MBOAT2: variants seen among roughly 807,000 people sequenced by gnomAD.
MBOAT2 encodes membrane bound glycerophospholipid O-acyltransferase 2, also known as membrane-bound glycerophospholipid O-acyltransferase 2.
A neutral mutation model predicts 63.4 loss-of-function variants in MBOAT2; 28 were observed. The observed-to-expected ratio is 0.44, with a 90% CI of 0.33 to 0.61. The LOEUF is 0.61. Among genes scored for constraint, MBOAT2 ranks in the 20% least tolerant of loss-of-function variants. The pLI is 0.03. For synonymous variants in MBOAT2, 211 were observed against 215.6 expected (o/e 0.98, Z 0.19); for missense variants, 470 against 605.8 (o/e 0.78, Z 2.35).
intron 1 of MBOAT2, among the ~76,000 whole-genome samples, chr2:8,960,334 C>T (rs1426834774): frequency 6.6e-6 from 1 of 152,158 alleles, no homozygotes; most frequent in African/African-American, 2.4e-5. Context: ...TATGGGCAAA[C>T]ATGGGAAATC....
At chr2:8,878,828 G>A (rs1486619200) in intron 6 of MBOAT2, among the ~76,000 whole-genome samples, 3 of 152,126 alleles carry the variant, frequency 2.0e-5, no homozygotes, top group South Asian at 2.1e-4. Flanking sequence ...TGTAATCCCA[G>A]CACTTTGGGA....
intron 3 of MBOAT2, among the ~76,000 whole-genome samples, chr2:8,936,205 C>A (rs1379495780): frequency 2.0e-5 from 3 of 152,116 alleles, no homozygotes; most frequent in African/African-American, 4.8e-5. Flanking sequence ...ATCACTAGAT[C>A]CCAGCATCAG....
At chr2:8,996,539 G>A (rs1672321719) in intron 1 of MBOAT2, among the ~76,000 whole-genome samples, 1 of 152,178 alleles carries the variant, frequency 6.6e-6, no homozygotes, top group Non-Finnish European at 1.5e-5. Flanking sequence ...GCGAGAGGCA[G>A]GGGCATGCTC....
In MBOAT2 at chr2:8,936,735, C is replaced by G. The variant is rs147250778; in HGVS notation, c.299+6452G>C. Among the ~76,000 whole-genome samples, 1,006 of 146,230 alleles carry G rather than the reference C, an allele frequency of 6.9e-3. 13 individuals are homozygous for G. Among genetic ancestry groups the G allele is most frequent in the African/African-American group, 0.024 (946 of 39,404 alleles). ...CCCGGGAGACAGAGGTTGCAGTGAG[C>G]CGAGATTGTGCCACCGCACTCAGCC... is the stretch of plus-strand genomic sequence containing the variant. On this transcript the variant is annotated intron_variant, in intron 3 of 12. Transcript: ENST00000305997.
intron 1 of MBOAT2, among the ~76,000 whole-genome samples, chr2:8,977,481 A>G: frequency 6.6e-6 from 1 of 152,130 alleles, no homozygotes; most frequent in Non-Finnish European, 1.5e-5. Flanking sequence ...GTTTCTTACA[A>G]AGGCTCTTAG....
chr2:8,884,559 T>G (rs1663406441), intron 5 of MBOAT2, among the ~76,000 whole-genome samples: 1 of 152,178 alleles, frequency 6.6e-6, no homozygotes, highest in Non-Finnish European at 1.5e-5. Flanking sequence ...TATCCTTTTT[T>G]CCCTCATGCT....
intron 2 of MBOAT2, among the ~76,000 whole-genome samples, chr2:8,956,831 C>T (rs1346082496): frequency 2.0e-5 from 3 of 152,194 alleles, no homozygotes; most frequent in Non-Finnish European, 4.4e-5. Flanking sequence ...AGCAAGAGAA[C>T]ACTTCCTCAG....
chr2:8,976,669 A>G (rs1047275365), intron 1 of MBOAT2, among the ~76,000 whole-genome samples: 1 of 152,154 alleles, frequency 6.6e-6, no homozygotes, highest in Non-Finnish European at 1.5e-5. Flanking sequence ...ACCCTTCCAT[A>G]AAGCGCGTTC....
chr2:8,872,572 A>G (rs771218468), intron 8 of MBOAT2, among the ~76,000 whole-genome samples: 4 of 152,194 alleles, frequency 2.6e-5, no homozygotes, highest in Non-Finnish European at 5.9e-5. Context: ...GTGAGCCACC[A>G]TAACTGGCCC....
intron 10 of MBOAT2, 39 bp downstream of exon 10, chr2:8,864,131 G>A (rs777648256): frequency 7.7e-6 from 11 of 1,422,492 alleles, no homozygotes; most frequent in African/African-American, 5.9e-5. Flanking sequence ...AGAACTAGAC[G>A]CCAAAGCACA....
chr2:8,947,299 T>A (rs1220146856), intron 2 of MBOAT2, among the ~76,000 whole-genome samples: 1 of 152,188 alleles, frequency 6.6e-6, no homozygotes, highest in Non-Finnish European at 1.5e-5. Flanking sequence ...TGGCTCATGA[T>A]GTTTAAGGAA....
At chr2:8,901,688 G>A (rs1664938743) in intron 4 of MBOAT2, among the ~76,000 whole-genome samples, 1 of 152,150 alleles carries the variant, frequency 6.6e-6, no homozygotes, top group East Asian at 1.9e-4. Context: ...TGTCTGAGGA[G>A]GGATTCTAAA....
intron 2 of MBOAT2, among the ~76,000 whole-genome samples, chr2:8,956,314 G>A (rs1669219495): frequency 6.6e-6 from 1 of 152,056 alleles, no homozygotes; most frequent in Non-Finnish European, 1.5e-5. Context: ...CTTACACATG[G>A]TACAGAGGCA....
Position 8,944,972 on chromosome 2 carries a change from G to A in MBOAT2, c.222-1708C>T, listed in dbSNP as rs181311285. Among the ~76,000 whole-genome samples the A allele has an allele frequency of 3.8e-3, 573 of 152,194 alleles. 2 individuals carry two copies. The highest frequency in any genetic ancestry group is 3.7e-3 in the Admixed American group (56 of 15,296). On this transcript the variant is annotated intron_variant, in intron 2 of 12. Coordinates refer to ENST00000305997, the MANE Select transcript of MBOAT2 (RefSeq NM_138799.4). ...TCTTAAACACGGAAAACACATTTTT[G>A]AGGACTCTTGGGGGAAAAAAGTGTT...
intron 4 of MBOAT2, among the ~76,000 whole-genome samples, chr2:8,888,386 G>A (rs1050749005): frequency 1.3e-5 from 2 of 152,138 alleles, no homozygotes; most frequent in Non-Finnish European, 2.9e-5. Flanking sequence ...TAGAAAACAA[G>A]GCCCGGAGGT....
intron 1 of MBOAT2, among the ~76,000 whole-genome samples, chr2:8,962,728 A>C (rs1669700925): frequency 6.6e-6 from 1 of 151,968 alleles, no homozygotes; most frequent in African/African-American, 2.4e-5. Flanking sequence ...ATCTTATGTG[A>C]TATAACAATA....
chr2:8,932,782 G>A (rs1315979605), intron 3 of MBOAT2, among the ~76,000 whole-genome samples: 2 of 150,834 alleles, frequency 1.3e-5, no homozygotes, highest in African/African-American at 4.9e-5. Flanking sequence ...TCAGCAAAGT[G>A]GCACATAGAA....
chr2:8,895,298 A>G (rs983043700), intron 4 of MBOAT2, among the ~76,000 whole-genome samples: 1 of 151,930 alleles, frequency 6.6e-6, no homozygotes, highest in Non-Finnish European at 1.5e-5. Flanking sequence ...TGATTGGTCC[A>G]TTTTACAGAG....
chr2:8,937,482 A>G (rs1336475739), intron 3 of MBOAT2, among the ~76,000 whole-genome samples: 1 of 152,250 alleles, frequency 6.6e-6, no homozygotes, highest in African/African-American at 2.4e-5. Context: ...TCAAACATCT[A>G]TCATTAAGAA....
Sources: gnomAD v4.1 joint callset for allele counts (sites outside exome capture counted in the v4.1 genomes callset) on GRCh38, gnomAD v4.1.1 for gene constraint, MANE v1.5 for transcripts, NCBI Gene and HGNC (gene_info 2026-07-23, HGNC 2026-07-21) for gene names.